Variants in PCDHGB2 observed in about 807,000 individuals in gnomAD.
PCDHGB2 encodes protocadherin gamma subfamily B, 2.
Under a neutral mutation model 59.3 loss-of-function variants are expected in PCDHGB2, and 55 were observed. The ratio of observed to expected loss-of-function variants is 0.93; its 90% CI spans 0.75 to 1.16. The LOEUF is 1.16. Ranked by LOEUF, PCDHGB2 falls within the 50% of genes most tolerant of loss-of-function variation. PCDHGB2 has a pLI of 0.00. For missense variants in PCDHGB2, 1,228 were observed against 1,198.5 expected, an observed-to-expected ratio of 1.02 and a Z score of -0.36; for synonymous variants, 516 against 512.0, an observed-to-expected ratio of 1.01 and a Z score of -0.11.
At chr5:141,405,385 A>G in intron 1 of PCDHGB2, 1 of 1,600,058 alleles carries the variant, frequency 6.2e-7, no homozygotes, top group Non-Finnish European at 8.5e-7. Flanking sequence ...CGGTGAGTTC[A>G]TTTTTTTTCT....
At chr5:141,413,267 GA>G in intron 1 of PCDHGB2, 1 of 1,613,960 alleles carries the variant, frequency 6.2e-7, no homozygotes, top group Non-Finnish European at 8.5e-7. Flanking sequence ...TGGGAGGCTG[GA>G]GCCCGGCAGA....
chr5:141,457,635 T>G (rs1242403589), intron 1 of PCDHGB2, among the ~76,000 whole-genome samples: 2 of 152,270 alleles, frequency 1.3e-5, no homozygotes, highest in African/African-American at 4.8e-5. Flanking sequence ...ATACTTGGCC[T>G]GATTATTTGC....
chr5:141,505,509 G>A (rs778054090), intron 3 of PCDHGB2, 28 bp downstream of exon 3: 1 of 1,613,940 alleles, frequency 6.2e-7, no homozygotes, highest in Non-Finnish European at 8.5e-7. Context: ...GTGTATGGAA[G>A]AGTGGGAGAC....
At chr5:141,416,998 CAAAT>C (rs2096073182) in intron 1 of PCDHGB2, 1 of 150,816 alleles carries the variant, frequency 6.6e-6, no homozygotes, top group South Asian at 2.1e-4. Flanking sequence ...GCATTCATCT[CAAAT>C]AATTCTATTA....
intron 1 of PCDHGB2, chr5:141,430,896 G>A: frequency 6.2e-7 from 1 of 1,606,012 alleles, no homozygotes; most frequent in Admixed American, 1.7e-5. Context: ...TCTAGGGTGG[G>A]CGACATCTCC....
chr5:141,460,656 ACTGTAAACACAGT>A (rs2098994793), intron 1 of PCDHGB2, among the ~76,000 whole-genome samples: 1 of 152,086 alleles, frequency 6.6e-6, no homozygotes, highest in Admixed American at 6.6e-5. Flanking sequence ...CACATATGTA[ACTGTAAACACAGT>A]TATATATCTA....
At chr5:141,388,606 T>G in intron 1 of PCDHGB2, 1 of 1,613,906 alleles carries the variant, frequency 6.2e-7, no homozygotes, top group South Asian at 1.1e-5. Context: ...AATGCTCCAG[T>G]GTTCAGTCAA....
At chr5:141,374,626 C>A (rs748933501) in intron 1 of PCDHGB2, 10 of 1,613,108 alleles carry the variant, frequency 6.2e-6, no homozygotes, top group Non-Finnish European at 7.6e-6. Context: ...TCTCAGTGGA[C>A]GTGCAAAGCG....
intron 1 of PCDHGB2, among the ~76,000 whole-genome samples, chr5:141,406,616 T>C (rs1226509680): frequency 1.3e-5 from 2 of 152,242 alleles, no homozygotes; most frequent in Non-Finnish European, 2.9e-5. Flanking sequence ...ACATCTTTTA[T>C]TCTCATATCT....
chr5:141,507,263 T>C (rs755395344), intron 3 of PCDHGB2: 1 of 152,038 alleles, frequency 6.6e-6, no homozygotes, highest in Non-Finnish European at 1.5e-5. Flanking sequence ...AAACAGCAAG[T>C]ACTATTTCAG....
chr5:141,397,988 C>A, intron 1 of PCDHGB2: 2 of 1,327,490 alleles, frequency 1.5e-6, no homozygotes, highest in Non-Finnish European at 1.0e-6. Flanking sequence ...CTTTACACCG[C>A]TTCCTCCTCG....
At position 141,431,954 on chromosome 5, in the gene PCDHGB2, G is replaced by A. The variant is rs912037044; in HGVS notation, c.2422-62853G>A. 6.2e-7 allele frequency: 1 copy of A among 1,613,992 alleles called. No individual in the cohort carries two copies. Among genetic ancestry groups the A allele is most frequent in the African/African-American group, 1.3e-5 (1 of 74,896 alleles). ...GCCCTTTAAATTAGAAAAATCTTAC[G>A]GAAATTACTATAGTTTAGTCACAGA... is the stretch of plus-strand genomic sequence containing the variant. On this transcript the variant is annotated intron_variant, in intron 1 of 3. Coordinates refer to ENST00000522605, the MANE Select transcript of PCDHGB2 (RefSeq NM_018923.3). This position sits in a 1 kb window ranked among gnomAD's most constrained non-coding sequence, Gnocchi z 4.8.
rs750804901 is a variant in PCDHGB2 at position 141,476,422 on chromosome 5, C to G, written c.2422-18385C>G. On this transcript the variant is annotated intron_variant, in intron 1 of 3. Coordinates refer to ENST00000522605, the MANE Select transcript of PCDHGB2 (RefSeq NM_018923.3). The surrounding 1 kb of genome is among the most constrained non-coding windows in gnomAD (Gnocchi z 7.6). ...GAGAGGAGCTGTGTGGGACACTGCC[C>G]TCTTGCACTGTAACTCTGGAGTTGG... 17 of 1,614,026 alleles carry G rather than the reference C, an allele frequency of 1.1e-5. No individual in the cohort carries two copies. The highest frequency in any genetic ancestry group is 1.4e-5 in the Non-Finnish European group (17 of 1,180,030).
intron 1 of PCDHGB2, among the ~76,000 whole-genome samples, chr5:141,464,934 G>T (rs1353581045): frequency 1.3e-5 from 2 of 151,416 alleles, no homozygotes; most frequent in African/African-American, 4.8e-5. Flanking sequence ...GAGATGTGAG[G>T]TCTCACTATG....
intron 1 of PCDHGB2, chr5:141,374,190 C>T: frequency 6.2e-7 from 1 of 1,613,820 alleles, no homozygotes; most frequent in Non-Finnish European, 8.5e-7. Context: ...TACTCTATTC[C>T]CGAGGAGCTG....
chr5:141,419,852 G>A, intron 1 of PCDHGB2: 1 of 1,614,066 alleles, frequency 6.2e-7, no homozygotes, highest in Non-Finnish European at 8.5e-7. Flanking sequence ...CCTGGTGTTC[G>A]CAGATAGCTT....
At chr5:141,393,825 G>A (rs2092852640) in intron 1 of PCDHGB2, 10 of 1,613,964 alleles carry the variant, frequency 6.2e-6, no homozygotes, top group Non-Finnish European at 8.5e-6. Context: ...CATTTCGGTG[G>A]AAGATGTAAA....
In PCDHGB2 at chr5:141,360,783, T is replaced by A. The variant is rs1453026686; in HGVS notation, c.648T>A (p.Asp216Glu). 1 of 1,613,928 alleles carries A rather than the reference T, an allele frequency of 6.2e-7. No individual in the cohort carries two copies. The highest frequency in any genetic ancestry group is 2.2e-5 in the East Asian group (1 of 44,874). The change falls in exon 1 of 4, where the codon GAT (aspartate) becomes GAA (glutamate). Residue 216 changes from aspartate (D) to glutamate (E), a missense_variant. Around this residue, in one of 3 missense-constraint regions of PCDHGB2, gnomAD observed 781 missense variants for 721.6 expected, o/e 1.08. Transcript: ENST00000522605. ...SLHQLVLTAV[D>E]GGDPPQSGTT... ...ATCAATTGGTCCTCACAGCTGTGGATGGCGGAGACCCACCTCAAAGTGGCA... is the reference window on the plus strand; with the variant it reads ...ATCAATTGGTCCTCACAGCTGTGGAAGGCGGAGACCCACCTCAAAGTGGCA...
chr5:141,435,260 T>C (rs1591368331), intron 1 of PCDHGB2, among the ~76,000 whole-genome samples: 1 of 152,236 alleles, frequency 6.6e-6, no homozygotes, highest in African/African-American at 2.4e-5. Context: ...TAGGGATATG[T>C]CCATTTATAC....
Sources: gnomAD v4.1 joint callset for allele counts (sites outside exome capture counted in the v4.1 genomes callset) on GRCh38, gnomAD v4.1.1 for gene constraint, gnomAD v4.1.1 regional missense constraint, Gnocchi (gnomAD v3.1) non-coding constraint, MANE v1.5 for transcripts, NCBI Gene and HGNC (gene_info 2026-07-23, HGNC 2026-07-21) for gene names.